The following MYT1L variants were observed in gnomAD, a reference collection of about 807,000 sequenced individuals.
The protein encoded by MYT1L is myelin transcription factor 1 like, also known as myelin transcription factor 1-like protein.
MYT1L carries 12 observed loss-of-function variants against 126.7 expected under a neutral mutation model. That is an observed-to-expected ratio of 0.09 (90% confidence interval 0.06 to 0.15). The LOEUF (loss-of-function observed/expected upper bound fraction) is 0.15. MYT1L is among the 10% of genes least tolerant of loss of function. The pLI is 1.00. For synonymous variants in MYT1L, 541 were observed against 604.2 expected (o/e 0.90, Z 1.53); for missense variants, 979 against 1,585.2 (o/e 0.62, Z 6.49).
At chr2:1,822,918 GT>G (rs1233771434) in intron 21 of MYT1L, among the ~76,000 whole-genome samples, 1 of 152,146 alleles carries the variant, frequency 6.6e-6, no homozygotes, top group African/African-American at 2.4e-5. Flanking sequence ...GAAATGTTTA[GT>G]TTTGTTTCTC....
rs2148854350 is a variant in MYT1L at position 1,889,475 on chromosome 2, G to T, written c.2286C>A (p.Asn762Lys). The T allele has an allele frequency of 1.3e-6, 2 of 1,592,564 alleles. No homozygotes were observed. The highest frequency in any genetic ancestry group is 8.6e-7 in the Non-Finnish European group (1 of 1,166,712). Residue 762 changes from asparagine to lysine, a missense_variant and splice_region_variant, in exon 16 of 25, where the codon AAC becomes AAA. Transcript: ENST00000647738. This position sits in a 1 kb window ranked among gnomAD's most constrained non-coding sequence, Gnocchi z 4.1. ...TKPQDLCATRNPDMEVDENGT... is the reference protein window; with the variant it reads ...TKPQDLCATRKPDMEVDENGT... ...CGTTCTCATCCACCTCCATGTCAGGGTTCTGTCGGTAGAAAGACATAGTGA... is the reference window on the plus strand; with the variant it reads ...CGTTCTCATCCACCTCCATGTCAGGTTTCTGTCGGTAGAAAGACATAGTGA...
At chr2:1,946,749 T>C (rs6722043) in intron 8 of MYT1L, among the ~76,000 whole-genome samples, 29,226 of 152,082 alleles carry the variant, frequency 0.19, 3,877 homozygotes, top group African/African-American at 0.37. Flanking sequence ...TGGGATTCCT[T>C]TTATATTTTC....
chr2:2,172,736 G>A (rs1194292713), intron 3 of MYT1L, 136 bp downstream of exon 3: 1 of 152,126 alleles, frequency 6.6e-6, no homozygotes, highest in Non-Finnish European at 1.5e-5. Flanking sequence ...GGAGCCCCTT[G>A]CTGGGCAGGG....
intron 18 of MYT1L, among the ~76,000 whole-genome samples, chr2:1,858,966 C>T (rs919488169): frequency 1.4e-4 from 22 of 152,148 alleles, no homozygotes; most frequent in Non-Finnish European, 2.4e-4. Flanking sequence ...GGAAAGGGTG[C>T]GGCGGCATGC....
intron 3 of MYT1L, among the ~76,000 whole-genome samples, chr2:2,121,860 C>T (rs904900962): frequency 3.9e-5 from 6 of 152,170 alleles, no homozygotes; most frequent in Admixed American, 3.3e-4. Flanking sequence ...GAGGGGGCTG[C>T]GGTCGCCTGT....
At chr2:2,060,568 A>T (rs575031429) in intron 3 of MYT1L, among the ~76,000 whole-genome samples, 1 of 152,296 alleles carries the variant, frequency 6.6e-6, no homozygotes, top group Non-Finnish European at 1.5e-5. Context: ...ATAAAATGAC[A>T]TTCTGTTTGA....
chr2:1,937,355 G>T (rs1446541601), intron 9 of MYT1L, among the ~76,000 whole-genome samples: 5 of 151,774 alleles, frequency 3.3e-5, no homozygotes, highest in Non-Finnish European at 7.4e-5. Context: ...CCATCAGATC[G>T]CACAGCGAGA....
At chr2:1,941,127 A>C (rs987408351) in intron 9 of MYT1L, among the ~76,000 whole-genome samples, 1 of 152,254 alleles carries the variant, frequency 6.6e-6, no homozygotes, top group Non-Finnish European at 1.5e-5. Flanking sequence ...TTCAAAGTAC[A>C]TCACTTTTTA....
intron 5 of MYT1L, among the ~76,000 whole-genome samples, chr2:1,981,745 G>A (rs1319066349): frequency 6.6e-6 from 1 of 152,214 alleles, no homozygotes. Context: ...GGCAGCTTGA[G>A]AGAGGGCATG....
chr2:1,937,188 G>C (rs2056007715), intron 9 of MYT1L, among the ~76,000 whole-genome samples: 3 of 152,308 alleles, frequency 2.0e-5, no homozygotes, highest in African/African-American at 7.2e-5. Context: ...AGCAGCCCCT[G>C]CTTCCTGTTC....
chr2:2,003,667 A>G (rs1298874722), intron 4 of MYT1L, among the ~76,000 whole-genome samples: 1 of 152,056 alleles, frequency 6.6e-6, no homozygotes, highest in Non-Finnish European at 1.5e-5. Flanking sequence ...GTGCCACCCC[A>G]TCACCTTTGA....
At chr2:1,924,761 A>T (rs1051964626) in intron 9 of MYT1L, among the ~76,000 whole-genome samples, 1 of 152,254 alleles carries the variant, frequency 6.6e-6, no homozygotes, top group Non-Finnish European at 1.5e-5. Context: ...CCTATAAATC[A>T]TCTTCTTTAT....
intron 14 of MYT1L, 99 bp from the exon 15 acceptor site, chr2:1,892,386 A>C: frequency 1.4e-6 from 2 of 1,460,398 alleles, no homozygotes; most frequent in Non-Finnish European, 1.8e-6. Context: ...AGCCACACAC[A>C]GCCGCGTGGG....
intron 3 of MYT1L, among the ~76,000 whole-genome samples, chr2:2,087,362 T>C (rs2076463571): frequency 6.6e-6 from 1 of 152,170 alleles, no homozygotes; most frequent in African/African-American, 2.4e-5. Context: ...TTTTTCTTTG[T>C]TTGGGAAATT....
At chr2:2,019,651 G>GT (rs1446226323) in intron 4 of MYT1L, among the ~76,000 whole-genome samples, 1 of 152,182 alleles carries the variant, frequency 6.6e-6, no homozygotes, top group Non-Finnish European at 1.5e-5. Context: ...ACCTTTGTTA[G>GT]TTTTTTCTAT....
intron 3 of MYT1L, among the ~76,000 whole-genome samples, chr2:2,096,777 G>A (rs1470460776): frequency 6.6e-6 from 1 of 152,086 alleles, no homozygotes; most frequent in African/African-American, 2.4e-5. Context: ...TGAGAATACC[G>A]AGGCCACGCT....
chr2:1,818,035 G>A (rs374559105), intron 21 of MYT1L, among the ~76,000 whole-genome samples: 2 of 151,664 alleles, frequency 1.3e-5, no homozygotes, highest in African/African-American at 2.4e-5. Context: ...CCAGATGAAG[G>A]TTCCAGCGAA....
At chr2:2,330,892 C>T (rs1317968711) in intron 1 of MYT1L, 75 bp downstream of exon 1, 3 of 152,150 alleles carry the variant, frequency 2.0e-5, no homozygotes, top group African/African-American at 7.2e-5. Context: ...ATAGCAGCCT[C>T]AGCCCTTGAG....
chr2:2,292,726 C>T (rs140772580), intron 1 of MYT1L, among the ~76,000 whole-genome samples: 15 of 152,234 alleles, frequency 9.9e-5, no homozygotes, highest in East Asian at 3.9e-4. Context: ...TTAAAAAAGA[C>T]GAAGTGGTTC....
Sources: allele counts gnomAD v4.1 joint callset (sites outside exome capture counted in the v4.1 genomes callset), GRCh38; gene constraint gnomAD v4.1.1; non-coding constraint Gnocchi (gnomAD v3.1); transcripts MANE v1.5; gene names NCBI Gene and HGNC (gene_info 2026-07-23, HGNC 2026-07-21).